FRMD3: variants seen among roughly 807,000 people sequenced by gnomAD.
FRMD3 encodes the protein FERM domain-containing protein 3.
Under a neutral mutation model 70.2 loss-of-function variants are expected in FRMD3, and 33 were observed. That is an observed-to-expected ratio of 0.47 (90% CI 0.36 to 0.63). The LOEUF is 0.63. Ranked by LOEUF, FRMD3 falls within the 20% of genes least tolerant of loss-of-function variation. FRMD3 has a pLI of 0.00. For missense variants in FRMD3, 632 were observed against 711.4 expected (o/e 0.89, Z 1.27); for synonymous variants, 279 against 255.9 (o/e 1.09, Z -0.86).
rs755678698 is a variant in FRMD3 at position 83,244,808 on chromosome 9, T to TATAA, written c.*3106_*3109dup. On this transcript the variant is annotated 3_prime_UTR_variant, in exon 14 of 14. Transcript: ENST00000304195. ...TTGTGAATTCACCCCGAGTTGTGTT[T>TATAA]ATAAATATTAGACAAACCACAAAAT... 4.1e-6 allele frequency: 4 copies of TATAA among 985,222 alleles called. No homozygotes were observed. The highest frequency in any genetic ancestry group is 4.8e-6 in the Non-Finnish European group (4 of 829,834). The allele number at this position is 985,222 out of a possible 1,614,324, so 61.0% of individuals were successfully genotyped here. A position where few individuals can be genotyped will look rare whatever the true frequency, so the allele number is the denominator to read the frequency against.
intron 13 of FRMD3, among the ~76,000 whole-genome samples, chr9:83,257,125 T>C (rs1227267994): frequency 2.0e-5 from 3 of 152,200 alleles, no homozygotes; most frequent in African/African-American, 7.2e-5. Flanking sequence ...TCAAACTAAA[T>C]GCCCATCCCT....
intron 1 of FRMD3, among the ~76,000 whole-genome samples, chr9:83,398,821 A>C (rs1825873790): frequency 6.6e-6 from 1 of 152,230 alleles, no homozygotes; most frequent in Non-Finnish European, 1.5e-5. Flanking sequence ...GAGGATTATG[A>C]CTATAGTAGT....
At chr9:83,465,141 C>G (rs572330214) in intron 1 of FRMD3, among the ~76,000 whole-genome samples, 4 of 152,138 alleles carry the variant, frequency 2.6e-5, no homozygotes, top group Admixed American at 6.5e-5. Context: ...ATTTTACACA[C>G]ATCATCCATT....
the FRMD3 span, among the ~76,000 whole-genome samples, chr9:83,565,690 A>T: frequency 6.6e-6 from 1 of 152,248 alleles, no homozygotes; most frequent in Non-Finnish European, 1.5e-5. Flanking sequence ...CTGATTAGTA[A>T]TAGAGAATTA....
intron 1 of FRMD3, among the ~76,000 whole-genome samples, chr9:83,407,851 C>CTCTCTCTCTCTCTCTCATCTT (rs1826156039): frequency 7.7e-6 from 1 of 130,578 alleles, no homozygotes; most frequent in African/African-American, 3.9e-5. Flanking sequence ...CTCTCTCTCT[C>CTCTCTCTCTCTCTCTCATCTT]TCTCTCTCTC....
At chr9:83,473,805 C>T (rs1442263449) in intron 1 of FRMD3, among the ~76,000 whole-genome samples, 2 of 152,170 alleles carry the variant, frequency 1.3e-5, no homozygotes, top group Admixed American at 1.3e-4. Flanking sequence ...AGGAATGTAC[C>T]TTGCCCTCCT....
intron 2 of FRMD3, among the ~76,000 whole-genome samples, chr9:83,389,159 A>G (rs3906148): frequency 0.96 from 146,552 of 152,062 alleles, 70,669 homozygotes; most frequent in East Asian, 1. Context: ...TGTTGCCAGC[A>G]CTGGTCTTGA....
chr9:83,244,143 A>AC, downstream of FRMD3, among the ~76,000 whole-genome samples: 1 of 89,074 alleles, frequency 1.1e-5, no homozygotes, highest in East Asian at 8.6e-4. Context: ...TCAAAAAAAA[A>AC]AAAGTGGAAT....
At chr9:83,253,499 C>A (rs1315059367) in intron 13 of FRMD3, among the ~76,000 whole-genome samples, 1 of 152,112 alleles carries the variant, frequency 6.6e-6, no homozygotes. Context: ...ATGCAGCCAA[C>A]AGACACATGA....
intron 1 of FRMD3, among the ~76,000 whole-genome samples, chr9:83,516,192 C>T (rs997539729): frequency 9.9e-5 from 15 of 151,876 alleles, no homozygotes; most frequent in African/African-American, 2.4e-4. Flanking sequence ...GATAGAGTCA[C>T]GACCCATCAG....
chr9:83,350,823 C>A (rs757163614), intron 3 of FRMD3: 1 of 715,444 alleles, frequency 1.4e-6, no homozygotes, highest in Non-Finnish European at 1.7e-6. Flanking sequence ...GGGGATTCTA[C>A]AGGACTTCCA....
chr9:83,396,698 G>A (rs1189940517), intron 1 of FRMD3, among the ~76,000 whole-genome samples: 2 of 152,246 alleles, frequency 1.3e-5, no homozygotes, highest in Non-Finnish European at 2.9e-5. Flanking sequence ...CAGAGGTGCA[G>A]TGGGATTGAG....
chr9:83,253,581 G>A (rs1832532137), intron 13 of FRMD3, among the ~76,000 whole-genome samples: 1 of 152,180 alleles, frequency 6.6e-6, no homozygotes, highest in South Asian at 2.1e-4. Context: ...TCTCACACCA[G>A]TTAGAATGGC....
At chr9:83,339,355 C>T (rs114812368) in intron 5 of FRMD3, among the ~76,000 whole-genome samples, 1 of 152,068 alleles carries the variant, frequency 6.6e-6, no homozygotes, top group African/African-American at 2.4e-5. Context: ...TTGGGTAAGC[C>T]GCCATGGTTC....
At chr9:83,297,818 T>G in intron 12 of FRMD3, 1 of 471,804 alleles carries the variant, frequency 2.1e-6, no homozygotes, top group Non-Finnish European at 4.4e-6. Context: ...TGTACACATC[T>G]ACATGGGATA....
chr9:83,346,821 C>T (rs1295078298), intron 4 of FRMD3, among the ~76,000 whole-genome samples: 6 of 152,152 alleles, frequency 3.9e-5, no homozygotes, highest in African/African-American at 9.7e-5. Flanking sequence ...TGGACAGACA[C>T]CAAGAATCTG....
rs1330217289 is a variant in FRMD3 at position 83,479,760 on chromosome 9, AGGG to A, written c.147+58322_147+58324del. On this transcript the variant is annotated intron_variant, in intron 1 of 13. Transcript: ENST00000304195. Reference sequence around the variant, plus strand: ...GAAAGAAAAAGAAAAGAGAAGAAGAAGGGAGGGAGGGAGGGAGGGAGGGAGGGA... The same window carrying A: ...GAAAGAAAAAGAAAAGAGAAGAAGAAAGGGAGGGAGGGAGGGAGGGAGGGA... 3.2e-4 allele frequency among the ~76,000 whole-genome samples: 23 copies of A among 71,452 alleles called. 1 individual carries two copies. Among genetic ancestry groups the A allele is most frequent in the African/African-American group, 8.2e-4 (13 of 15,772 alleles). The allele number at this position is 71,452 out of a possible 152,430, so 46.9% of individuals were successfully genotyped here. A position where few individuals can be genotyped will look rare whatever the true frequency, so the allele number is the denominator to read the frequency against.
At chr9:83,267,471 A>G (rs28557073) in intron 13 of FRMD3, among the ~76,000 whole-genome samples, 244 of 152,284 alleles carry the variant, frequency 1.6e-3, no homozygotes, top group African/African-American at 5.6e-3. Context: ...ATGTCCCCAA[A>G]AGATAAGATG....
chr9:83,307,523 C>T (rs1019923931), intron 10 of FRMD3, among the ~76,000 whole-genome samples: 4 of 152,210 alleles, frequency 2.6e-5, no homozygotes, highest in Non-Finnish European at 4.4e-5. Flanking sequence ...TATGGGTGAA[C>T]TTTGGACACA....
Sources: gnomAD v4.1 joint callset for allele counts (sites outside exome capture counted in the v4.1 genomes callset) on GRCh38, gnomAD v4.1.1 for gene constraint, MANE v1.5 for transcripts, NCBI Gene and HGNC (gene_info 2026-07-23, HGNC 2026-07-21) for gene names.